PTPRK: variants seen among roughly 807,000 people sequenced by gnomAD.
PTPRK encodes receptor-type tyrosine-protein phosphatase kappa.
In PTPRK, 75 loss-of-function variants were observed where a neutral mutation model predicts 178.0. The observed-to-expected ratio is 0.42, with a 90% CI of 0.35 to 0.51. PTPRK has a LOEUF of 0.51. Among genes scored for constraint, PTPRK ranks in the 20% least tolerant of loss-of-function variants. The pLI is 0.02. For missense variants in PTPRK, 1,441 were observed against 1,797.8 expected (o/e 0.80, Z 3.59); for synonymous variants, 637 against 620.6 (o/e 1.03, Z -0.39).
At chr6:128,058,556 T>C (rs1157729777) in intron 13 of PTPRK, among the ~76,000 whole-genome samples, 1 of 152,116 alleles carries the variant, frequency 6.6e-6, no homozygotes, top group Non-Finnish European at 1.5e-5. Flanking sequence ...TTATTTCAGA[T>C]ATATTTATTA....
At chr6:128,203,409 T>A (rs1233762462) in intron 6 of PTPRK, among the ~76,000 whole-genome samples, 2 of 152,136 alleles carry the variant, frequency 1.3e-5, no homozygotes, top group African/African-American at 2.4e-5. Flanking sequence ...TTCAACATAG[T>A]ATTGAAAGTT....
chr6:128,447,386 T>G (rs973659690), intron 1 of PTPRK, among the ~76,000 whole-genome samples: 3 of 152,228 alleles, frequency 2.0e-5, no homozygotes, highest in African/African-American at 7.2e-5. Context: ...TTTACATAGA[T>G]CATTTCATTA....
intron 1 of PTPRK, among the ~76,000 whole-genome samples, chr6:128,403,342 C>T (rs1269317088): frequency 6.6e-6 from 1 of 152,180 alleles, no homozygotes; most frequent in East Asian, 1.9e-4. Flanking sequence ...CCTTATACAT[C>T]TATGAATAAG....
intron 1 of PTPRK, among the ~76,000 whole-genome samples, chr6:128,497,252 T>G (rs868772266): frequency 6.6e-6 from 1 of 152,092 alleles, no homozygotes; most frequent in Non-Finnish European, 1.5e-5. Flanking sequence ...AGGAAAAAAA[T>G]AACATTAAAC....
intron 6 of PTPRK, among the ~76,000 whole-genome samples, chr6:128,212,476 G>A (rs1031971926): frequency 1.2e-4 from 18 of 151,986 alleles, no homozygotes; most frequent in African/African-American, 4.1e-4. Context: ...GGGCCATGTA[G>A]TAGATAGGAG....
At chr6:128,387,110 C>T (rs767793842) in intron 2 of PTPRK, among the ~76,000 whole-genome samples, 81 of 152,060 alleles carry the variant, frequency 5.3e-4, no homozygotes, top group Non-Finnish European at 1.0e-3. Context: ...AAGGATACCA[C>T]TTTTTTGTTG....
At chr6:128,329,247 A>G (rs1337499244) in intron 2 of PTPRK, among the ~76,000 whole-genome samples, 1 of 152,174 alleles carries the variant, frequency 6.6e-6, no homozygotes. Flanking sequence ...TACTCTATAA[A>G]ATCAGTTAGA....
chr6:128,106,944 T>C (rs1789819823), intron 7 of PTPRK, among the ~76,000 whole-genome samples: 1 of 152,118 alleles, frequency 6.6e-6, no homozygotes, highest in Non-Finnish European at 1.5e-5. Context: ...TTGGTAAGTA[T>C]AAATGATCTG....
chr6:128,267,746 A>C (rs1819181284), intron 3 of PTPRK, among the ~76,000 whole-genome samples: 1 of 152,112 alleles, frequency 6.6e-6, no homozygotes, highest in Non-Finnish European at 1.5e-5. Context: ...GTTAACTATT[A>C]GCTTAAATAT....
intron 16 of PTPRK, among the ~76,000 whole-genome samples, chr6:127,997,368 T>C (rs918435127): frequency 6.6e-6 from 1 of 152,080 alleles, no homozygotes; most frequent in Non-Finnish European, 1.5e-5. Context: ...TGTGCATCAT[T>C]TAGCATTTAT....
intron 3 of PTPRK, among the ~76,000 whole-genome samples, chr6:128,244,233 CTAGA>C (rs778748786): frequency 2.6e-5 from 4 of 152,024 alleles, no homozygotes; most frequent in African/African-American, 7.2e-5. Context: ...TAAGTAATAA[CTAGA>C]TAGATAGATT....
At chr6:128,154,957 T>G (rs955471286) in intron 7 of PTPRK, among the ~76,000 whole-genome samples, 3 of 151,814 alleles carry the variant, frequency 2.0e-5, no homozygotes, top group African/African-American at 7.2e-5. Flanking sequence ...ACATTGTGTT[T>G]TGGTTGATAA....
At chr6:128,056,600 A>AT (rs1187354341) in intron 13 of PTPRK, among the ~76,000 whole-genome samples, 1 of 151,568 alleles carries the variant, frequency 6.6e-6, no homozygotes, top group Non-Finnish European at 1.5e-5. Context: ...AATTTTTTGT[A>AT]TTTTTAGTAG....
chr6:128,374,350 A>T (rs1836718580), intron 2 of PTPRK, among the ~76,000 whole-genome samples: 1 of 152,030 alleles, frequency 6.6e-6, no homozygotes, highest in African/African-American at 2.4e-5. Flanking sequence ...TACAATAAAG[A>T]CTCCAAAGTG....
At chr6:128,398,151 C>T (rs987654696) in intron 1 of PTPRK, among the ~76,000 whole-genome samples, 5 of 152,170 alleles carry the variant, frequency 3.3e-5, no homozygotes, top group African/African-American at 1.2e-4. Flanking sequence ...CGAGCAGCAG[C>T]TCAAGGGAAC....
intron 10 of PTPRK, among the ~76,000 whole-genome samples, chr6:128,080,906 A>C (rs1784698824): frequency 6.6e-6 from 1 of 152,078 alleles, no homozygotes; most frequent in Non-Finnish European, 1.5e-5. Context: ...AGGTTAATAC[A>C]AGTAAAAGTG....
chr6:128,047,699 A>G (rs1778304866), intron 13 of PTPRK, among the ~76,000 whole-genome samples: 1 of 152,204 alleles, frequency 6.6e-6, no homozygotes, highest in Non-Finnish European at 1.5e-5. Context: ...TTTGTGAAAT[A>G]CCTGAACCTT....
At chr6:128,053,500 G>A (rs1337227059) in intron 13 of PTPRK, among the ~76,000 whole-genome samples, 2 of 151,916 alleles carry the variant, frequency 1.3e-5, no homozygotes, top group African/African-American at 4.8e-5. Flanking sequence ...CATGCTATGC[G>A]TCCCTGACAA....
At chr6:128,028,584 C>A (rs574348221) in intron 13 of PTPRK, among the ~76,000 whole-genome samples, 55 of 152,274 alleles carry the variant, frequency 3.6e-4, no homozygotes, top group African/African-American at 1.3e-3. Flanking sequence ...GGTTTTTCTA[C>A]CTATTTAAAT....
Sources: gnomAD v4.1 joint callset for allele counts (sites outside exome capture counted in the v4.1 genomes callset) on GRCh38, gnomAD v4.1.1 for gene constraint, MANE v1.5 for transcripts, NCBI Gene and HGNC (gene_info 2026-07-23, HGNC 2026-07-21) for gene names.